Variants in OCA2 observed in about 807,000 individuals in gnomAD.
OCA2 encodes OCA2 melanosomal transmembrane protein.
Under a neutral mutation model 100.2 loss-of-function variants are expected in OCA2, and 77 were observed. The observed-to-expected ratio is 0.77, with a 90% confidence interval of 0.64 to 0.93. OCA2 has a LOEUF of 0.93. Ranked by LOEUF, OCA2 falls within the 40% of genes least tolerant of loss-of-function variation. The probability of loss-of-function intolerance (pLI) is 0.00; values close to 1 mark genes in which losing one functional copy is unlikely to be tolerated. For missense variants in OCA2, 1,062 were observed against 1,089.1 expected (o/e 0.98, Z 0.35); for synonymous variants, 432 against 439.2 (o/e 0.98, Z 0.21).
chr15:27,903,408 C>T (rs995789485), intron 19 of OCA2, among the ~76,000 whole-genome samples: 33 of 152,340 alleles, frequency 2.2e-4, no homozygotes, highest in African/African-American at 7.9e-4. Context: ...CAGAAAGTGT[C>T]GCTTGGGAGA....
chr15:28,040,427 C>T (rs1202621245), intron 2 of OCA2, among the ~76,000 whole-genome samples: 1 of 151,972 alleles, frequency 6.6e-6, no homozygotes, highest in South Asian at 2.1e-4. Context: ...AAATTAGCAA[C>T]CTAATTTTAT....
chr15:27,785,865 A>G (rs901559513), intron 23 of OCA2, among the ~76,000 whole-genome samples: 1 of 152,232 alleles, frequency 6.6e-6, no homozygotes, highest in African/African-American at 2.4e-5. Flanking sequence ...GAATGAATAA[A>G]CAAACTGTGG....
intron 23 of OCA2, among the ~76,000 whole-genome samples, chr15:27,804,438 G>T (rs1034164123): frequency 1.3e-5 from 2 of 152,142 alleles, no homozygotes; most frequent in Non-Finnish European, 2.9e-5. Context: ...GAAAAAAGTT[G>T]CCCAGTTTGT....
At chr15:28,097,125 C>T (rs1193408583) in intron 1 of OCA2, among the ~76,000 whole-genome samples, 1 of 152,260 alleles carries the variant, frequency 6.6e-6, no homozygotes, top group Non-Finnish European at 1.5e-5. Context: ...CTGCTCCCCG[C>T]CGCCCTGCGG....
At chr15:27,948,294 G>A (rs2039912885) in intron 18 of OCA2, among the ~76,000 whole-genome samples, 1 of 152,144 alleles carries the variant, frequency 6.6e-6, no homozygotes, top group Non-Finnish European at 1.5e-5. Context: ...GGTTGGCCTT[G>A]CTAGAAAACA....
At chr15:27,781,145 G>T (rs1447415347) in intron 23 of OCA2, among the ~76,000 whole-genome samples, 3 of 152,146 alleles carry the variant, frequency 2.0e-5, no homozygotes, top group Non-Finnish European at 4.4e-5. Flanking sequence ...ATGGTTCATT[G>T]TCCTCCCTTG....
At chr15:28,055,838 T>TG (rs1292101357) in intron 2 of OCA2, among the ~76,000 whole-genome samples, 1 of 152,118 alleles carries the variant, frequency 6.6e-6, no homozygotes, top group Non-Finnish European at 1.5e-5. Flanking sequence ...CAGAAGAAGC[T>TG]GGGAACCCCA....
At position 28,097,524 on chromosome 15, in the gene OCA2, T is replaced by A. The variant is rs190428483; in HGVS notation, c.-22+1700A>T. ...GCTTTCCTCCCCTCTGTGGTAGCCTTTATCTCCATTGCAAGCCATCTTTCC... is the reference window on the plus strand; with the variant it reads ...GCTTTCCTCCCCTCTGTGGTAGCCTATATCTCCATTGCAAGCCATCTTTCC... On this transcript the variant is annotated intron_variant, in intron 1 of 23. Coordinates refer to ENST00000354638, the MANE Select transcript of OCA2 (RefSeq NM_000275.3). 7.9e-5 allele frequency among the ~76,000 whole-genome samples: 12 copies of A among 152,212 alleles called. No homozygotes were observed. The East Asian group carries it at 2.1e-3, about 27-fold the overall frequency.
intron 23 of OCA2, among the ~76,000 whole-genome samples, chr15:27,793,251 C>T (rs879609778): frequency 2.0e-5 from 3 of 152,096 alleles, no homozygotes; most frequent in Non-Finnish European, 4.4e-5. Context: ...GGTTTCAGAG[C>T]TATAAAGCTG....
intron 21 of OCA2, among the ~76,000 whole-genome samples, chr15:27,865,146 C>T (rs968752601): frequency 6.6e-6 from 1 of 151,772 alleles, no homozygotes. Context: ...GGAGAGATGA[C>T]GCCATCGGAG....
chr15:27,966,620 C>T (rs1261805334), intron 15 of OCA2, 70 bp downstream of exon 15: 3 of 1,578,976 alleles, frequency 1.9e-6, no homozygotes, highest in African/African-American at 2.7e-5. Flanking sequence ...CTAATAAGAA[C>T]TTCTCCTGGT....
intron 19 of OCA2, among the ~76,000 whole-genome samples, chr15:27,882,336 A>G (rs2037054250): frequency 6.6e-6 from 1 of 152,200 alleles, no homozygotes. Flanking sequence ...TCACTCCACT[A>G]CTGAACCCAT....
chr15:28,027,933 G>T lies in OCA2; in HGVS notation c.453C>A (p.Ala151=), dbSNP rs1400435576. 7 of 1,614,050 alleles carry T rather than the reference G, an allele frequency of 4.3e-6. No homozygotes were observed. Among genetic ancestry groups the T allele is most frequent in the Non-Finnish European group, 5.9e-6 (7 of 1,180,050 alleles). Reference sequence around the variant, plus strand: ...CCAGAAGGTCTCCCTTCTCGGAGGAGGCAGATGCAGACAGACCAGACACCT... The same window carrying T: ...CCAGAAGGTCTCCCTTCTCGGAGGATGCAGATGCAGACAGACCAGACACCT... ...SREVSGLSAS[A]SSEKGDLLDS... is the part of the protein sequence containing the mutation. Residue 151 remains alanine (A), a synonymous_variant, in exon 4 of 24, where the codon GCC becomes GCA. Transcript: ENST00000354638.
intron 19 of OCA2, among the ~76,000 whole-genome samples, chr15:27,881,726 C>A (rs2037024241): frequency 6.6e-6 from 1 of 152,168 alleles, no homozygotes; most frequent in Non-Finnish European, 1.5e-5. Flanking sequence ...TCCTCTTTAT[C>A]ATTTTTTTAT....
chr15:27,997,684 C>T lies in OCA2; in HGVS notation c.1045-7037G>A, dbSNP rs1224363575. Among the ~76,000 whole-genome samples, 26 of 124,500 alleles carry T rather than the reference C, an allele frequency of 2.1e-4. 1 individual carries two copies. In the South Asian group the frequency reaches 6.1e-3, roughly 29 times the overall value. The allele number at this position is 124,500 out of a possible 152,430, so 81.7% of individuals were successfully genotyped here. A position where few individuals can be genotyped will look rare whatever the true frequency, so the allele number is the denominator to read the frequency against. On this transcript the variant is annotated intron_variant, in intron 9 of 23. Coordinates refer to ENST00000354638, the MANE Select transcript of OCA2 (RefSeq NM_000275.3). Reference sequence around the variant, plus strand: ...GGGCTCTTTTTTGGTTCCATATGAACTTTAAAGTAGTTTTTTCCAATTCTG... The same window carrying T: ...GGGCTCTTTTTTGGTTCCATATGAATTTTAAAGTAGTTTTTTCCAATTCTG...
intron 19 of OCA2, among the ~76,000 whole-genome samples, chr15:27,875,792 A>T (rs2036766830): frequency 1.3e-5 from 2 of 151,880 alleles, no homozygotes; most frequent in Admixed American, 1.3e-4. Flanking sequence ...TTATAAATGC[A>T]ATTGTTCCTT....
the OCA2 span, among the ~76,000 whole-genome samples, chr15:27,749,818 A>C: frequency 6.6e-6 from 1 of 152,216 alleles, no homozygotes; most frequent in African/African-American, 2.4e-5. Context: ...TAAGATGTTG[A>C]TGAAAGAAAC....
intron 18 of OCA2, among the ~76,000 whole-genome samples, chr15:27,948,688 A>G (rs905743253): frequency 2.0e-5 from 3 of 151,458 alleles, no homozygotes; most frequent in Admixed American, 1.3e-4. Context: ...CCGGTCTCGA[A>G]CTCCTGGGCT....
At chr15:27,959,954 G>A (rs12593141) in intron 15 of OCA2, among the ~76,000 whole-genome samples, 19,301 of 152,184 alleles carry the variant, frequency 0.13, 2,808 homozygotes, top group East Asian at 0.84. Flanking sequence ...GCCCAGAAGG[G>A]TTCACCCAGA....
Sources: allele counts gnomAD v4.1 joint callset (sites outside exome capture counted in the v4.1 genomes callset), GRCh38; gene constraint gnomAD v4.1.1; transcripts MANE v1.5; gene names NCBI Gene and HGNC (gene_info 2026-07-23, HGNC 2026-07-21).